PTPRT: variants seen among roughly 807,000 people sequenced by gnomAD.
The protein encoded by PTPRT is receptor-type tyrosine-protein phosphatase T.
In PTPRT, 56 loss-of-function variants were observed where a neutral mutation model predicts 176.8. The observed-to-expected ratio is 0.32, with a 90% CI of 0.26 to 0.40. The LOEUF is 0.40. PTPRT is among the 10% of genes least tolerant of loss of function. PTPRT has a pLI of 1.00. For synonymous variants in PTPRT, 783 were observed against 739.0 expected, an observed-to-expected ratio of 1.06 and a Z score of -0.96; for missense variants, 1,540 against 1,908.2, an observed-to-expected ratio of 0.81 and a Z score of 3.60.
At chr20:42,645,657 T>C (rs894806831) in intron 7 of PTPRT, among the ~76,000 whole-genome samples, 1 of 151,634 alleles carries the variant, frequency 6.6e-6, no homozygotes, top group Non-Finnish European at 1.5e-5. Flanking sequence ...ACAACAAAGA[T>C]AGATCAGGTC....
chr20:42,309,309 C>A (rs1380945078), intron 12 of PTPRT, among the ~76,000 whole-genome samples: 1 of 152,146 alleles, frequency 6.6e-6, no homozygotes, highest in Non-Finnish European at 1.5e-5. Context: ...ATTCAGCAGA[C>A]CTCATTCTGG....
chr20:42,961,067 C>CT (rs910331507), intron 1 of PTPRT, among the ~76,000 whole-genome samples: 46 of 151,744 alleles, frequency 3.0e-4, no homozygotes, highest in Non-Finnish European at 2.2e-4. Context: ...AAAAACAATT[C>CT]TTTTTTTAAA....
intron 6 of PTPRT, among the ~76,000 whole-genome samples, chr20:42,741,343 C>T (rs2076606703): frequency 6.6e-6 from 1 of 152,024 alleles, no homozygotes; most frequent in African/African-American, 2.4e-5. Context: ...CATGAGCTGT[C>T]TTTTCTGTTC....
intron 7 of PTPRT, among the ~76,000 whole-genome samples, chr20:42,639,794 G>C (rs1450733499): frequency 1.3e-5 from 2 of 152,032 alleles, no homozygotes; most frequent in African/African-American, 2.4e-5. Context: ...AAATTATCTA[G>C]ACATTAATTA....
At chr20:42,540,278 T>C (rs1212939838) in intron 7 of PTPRT, among the ~76,000 whole-genome samples, 1 of 152,118 alleles carries the variant, frequency 6.6e-6, no homozygotes, top group African/African-American at 2.4e-5. Flanking sequence ...TTATTTCCAG[T>C]CAAATTCTTC....
rs192063802 is a variant in PTPRT, at chr20:42,500,432, T to C, written c.1154-27870A>G. Among the ~76,000 whole-genome samples, 31 of 152,234 alleles carry C rather than the reference T, an allele frequency of 2.0e-4. No individual in the cohort carries two copies. The East Asian group carries it at 5.8e-3, about 28-fold the overall frequency. On this transcript the variant is annotated intron_variant, in intron 7 of 30. Transcript: ENST00000373187. The stretch of plus-strand genomic sequence containing the variant: ...TATACTGATCTAATATCCAGAGACT[T>C]TGATATAGCATATTACTATTTATAA...
chr20:42,978,115 T>A (rs376563601), intron 1 of PTPRT, among the ~76,000 whole-genome samples: 1 of 152,264 alleles, frequency 6.6e-6, no homozygotes, highest in Non-Finnish European at 1.5e-5. Context: ...GTGCATTGGA[T>A]AGTACCCAAC....
At chr20:42,654,038 G>A (rs534494693) in intron 7 of PTPRT, among the ~76,000 whole-genome samples, 2 of 152,282 alleles carry the variant, frequency 1.3e-5, no homozygotes, top group Non-Finnish European at 2.9e-5. Context: ...GGCGCAGAAA[G>A]GGAGCAGGAC....
At chr20:43,154,991 C>A (rs1448300283) in intron 1 of PTPRT, among the ~76,000 whole-genome samples, 5 of 152,056 alleles carry the variant, frequency 3.3e-5, no homozygotes. Context: ...CAAATTACAA[C>A]TACAACGAGA....
intron 2 of PTPRT, among the ~76,000 whole-genome samples, chr20:42,878,937 G>A (rs1343273626): frequency 6.6e-6 from 1 of 152,148 alleles, no homozygotes; most frequent in Non-Finnish European, 1.5e-5. Context: ...GCTGAGGCAG[G>A]AGAATGGCGT....
At chr20:42,471,384 T>C (rs2071193790) in intron 8 of PTPRT, among the ~76,000 whole-genome samples, 1 of 152,078 alleles carries the variant, frequency 6.6e-6, no homozygotes. Flanking sequence ...CCTCATGGGT[T>C]GGTGCTGTCT....
At chr20:42,913,523 T>G (rs1405869354) in intron 1 of PTPRT, among the ~76,000 whole-genome samples, 1 of 152,204 alleles carries the variant, frequency 6.6e-6, no homozygotes, top group African/African-American at 2.4e-5. Flanking sequence ...GGACCTCATC[T>G]TAAGTTGATT....
At chr20:43,126,925 C>T (rs1217169299) in intron 1 of PTPRT, among the ~76,000 whole-genome samples, 2 of 152,188 alleles carry the variant, frequency 1.3e-5, no homozygotes, top group Non-Finnish European at 2.9e-5. Context: ...CCAGAAGCAA[C>T]ATCGAAACGG....
chr20:42,661,643 T>C (rs1473115026), intron 7 of PTPRT, among the ~76,000 whole-genome samples: 1 of 152,176 alleles, frequency 6.6e-6, no homozygotes, highest in Non-Finnish European at 1.5e-5. Context: ...AAAATCTACA[T>C]GGCCGTGGTG....
At chr20:42,277,130 G>T (rs1258064120) in intron 13 of PTPRT, among the ~76,000 whole-genome samples, 4 of 152,094 alleles carry the variant, frequency 2.6e-5, no homozygotes, top group African/African-American at 9.7e-5. Flanking sequence ...AACTACTGGT[G>T]ACACTGGCCC....
chr20:42,276,043 C>A (rs916911946), intron 13 of PTPRT, among the ~76,000 whole-genome samples: 20 of 152,126 alleles, frequency 1.3e-4, no homozygotes, highest in African/African-American at 4.8e-4. Context: ...TTTCCTCTCA[C>A]AAGTGATTCC....
chr20:43,160,666 T>TA (rs148095014), intron 1 of PTPRT, among the ~76,000 whole-genome samples: 3,271 of 152,268 alleles, frequency 0.021, 121 homozygotes, highest in African/African-American at 0.073. Context: ...CTTGAAAGAA[T>TA]ATTTTTTTTT....
intron 9 of PTPRT, among the ~76,000 whole-genome samples, chr20:42,412,022 A>G (rs1288960387): frequency 1.3e-5 from 2 of 152,200 alleles, no homozygotes; most frequent in African/African-American, 2.4e-5. Context: ...GAACTTTGAG[A>G]TATGACATAA....
At chr20:42,334,636 G>C (rs1217058440) in intron 11 of PTPRT, among the ~76,000 whole-genome samples, 1 of 152,150 alleles carries the variant, frequency 6.6e-6, no homozygotes, top group Non-Finnish European at 1.5e-5. Flanking sequence ...ATCAAATTGG[G>C]GAAAATAATC....
Sources: allele counts gnomAD v4.1 joint callset (sites outside exome capture counted in the v4.1 genomes callset), GRCh38; gene constraint gnomAD v4.1.1; transcripts MANE v1.5; gene names NCBI Gene and HGNC (gene_info 2026-07-23, HGNC 2026-07-21).